The following DAB1 variants were observed in gnomAD, a reference collection of about 807,000 sequenced individuals.
DAB1 encodes DAB adaptor protein 1.
A neutral mutation model predicts 64.6 loss-of-function variants in DAB1; 15 were observed. The observed-to-expected ratio is 0.23, with a 90% CI of 0.16 to 0.36. DAB1 has a LOEUF of 0.36. Ranked by LOEUF, DAB1 falls within the 10% of genes least tolerant of loss-of-function variation. The pLI is 1.00. For missense variants in DAB1, 596 were observed against 706.7 expected, an observed-to-expected ratio of 0.84 and a Z score of 1.78; for synonymous variants, 235 against 251.9, an observed-to-expected ratio of 0.93 and a Z score of 0.64.
intron 5 of DAB1, among the ~76,000 whole-genome samples, chr1:58,020,901 G>A (rs1024596145): frequency 2.0e-5 from 3 of 152,148 alleles, no homozygotes; most frequent in African/African-American, 7.2e-5. Flanking sequence ...TACTTGCGAG[G>A]CTGAGGCAGG....
At chr1:57,913,846 G>A (rs1208227119) in intron 5 of DAB1, among the ~76,000 whole-genome samples, 1 of 151,328 alleles carries the variant, frequency 6.6e-6, no homozygotes, top group Non-Finnish European at 1.5e-5. Flanking sequence ...ATGAAAAAAT[G>A]CTCATCATCA....
chr1:57,043,912 A>G (rs562328107), intron 9 of DAB1, among the ~76,000 whole-genome samples: 1 of 151,320 alleles, frequency 6.6e-6, no homozygotes, highest in South Asian at 2.1e-4. Flanking sequence ...CCTCCTCACC[A>G]CTGCCTACAA....
chr1:58,242,302 T>C (rs1347985866), intron 4 of DAB1, among the ~76,000 whole-genome samples: 1 of 152,054 alleles, frequency 6.6e-6, no homozygotes, highest in Non-Finnish European at 1.5e-5. Context: ...AATGTATGTA[T>C]TTGCAAATGA....
intron 7 of DAB1, among the ~76,000 whole-genome samples, chr1:57,589,422 T>TA: frequency 6.6e-6 from 1 of 152,230 alleles, no homozygotes; most frequent in Non-Finnish European, 1.5e-5. Flanking sequence ...ATATATTTGA[T>TA]ATATAAAGAG....
chr1:57,299,517 C>T (rs1673459413), intron 1 of DAB1, among the ~76,000 whole-genome samples: 1 of 152,200 alleles, frequency 6.6e-6, no homozygotes, highest in Admixed American at 6.5e-5. Context: ...ATGGCATACT[C>T]AGCAACATTT....
intron 6 of DAB1, among the ~76,000 whole-genome samples, chr1:57,720,759 T>G (rs1570767024): frequency 6.6e-6 from 1 of 152,352 alleles, no homozygotes; most frequent in Admixed American, 6.5e-5. Flanking sequence ...TCCCGTAGTC[T>G]TATTTCTTTC....
In DAB1 at chr1:57,015,285, G is replaced by T; in HGVS notation, c.1042C>A (p.Pro348Thr). Residue 348 changes from proline to threonine, a missense_variant, in exon 12 of 15, where the codon CCT becomes ACT. Pro to Thr is a conservative substitution (Grantham distance 38, BLOSUM62 -1). Around this residue, in one of 3 missense-constraint regions of DAB1, gnomAD observed 377 missense variants for 400.4 expected, o/e 0.94. Coordinates refer to ENST00000371236, the MANE Select transcript of DAB1 (RefSeq NM_001365792.1). Reference sequence around the variant, plus strand: ...GTTGGCCAGGGCTGCTGAGTGGCAGGAAAGAGACCCGGCTGGCCCCATGCG... The same window carrying T: ...GTTGGCCAGGGCTGCTGAGTGGCAGTAAAGAGACCCGGCTGGCCCCATGCG... ...PIAWGQPGLF[P>T]ATQQPWPTVA... The T allele has an allele frequency of 6.2e-7, 1 of 1,614,154 alleles. No homozygotes were observed. The highest frequency in any genetic ancestry group is 2.2e-5 in the East Asian group (1 of 44,866).
rs1645140107 is a variant in DAB1, at chr1:57,567,668, C to T, written n.625+81924G>A. On this transcript the variant is annotated intron_variant and non_coding_transcript_variant, in intron 7 of 20. Coordinates refer to the DAB1 transcript ENST00000485760. ...AGAGAGCCAAATCATGAGTGAACTC[C>T]CATTCACAATTGCTTAAAGAGAATA... Among the ~76,000 whole-genome samples the T allele has an allele frequency of 3.3e-5, 5 of 152,098 alleles. No homozygotes were observed. In the South Asian group the frequency reaches 1.0e-3, roughly 32 times the overall value.
At chr1:58,488,912 T>C (rs2100367793) in intron 3 of DAB1, among the ~76,000 whole-genome samples, 1 of 152,376 alleles carries the variant, frequency 6.6e-6, no homozygotes, top group South Asian at 2.1e-4. Flanking sequence ...TGTCCAAGTT[T>C]TATGATCAAT....
At chr1:57,397,328 C>T (rs749372347) in intron 1 of DAB1, among the ~76,000 whole-genome samples, 4 of 152,168 alleles carry the variant, frequency 2.6e-5, no homozygotes, top group Admixed American at 6.5e-5. Context: ...CTCCACACTT[C>T]CCCTATACAC....
intron 5 of DAB1, among the ~76,000 whole-genome samples, chr1:57,948,083 T>G (rs1645210468): frequency 6.6e-6 from 1 of 152,228 alleles, no homozygotes; most frequent in South Asian, 2.1e-4. Context: ...GCCTCTCACC[T>G]GCTTCACTAA....
chr1:57,890,129 C>G (rs1644288856), intron 5 of DAB1, among the ~76,000 whole-genome samples: 2 of 152,176 alleles, frequency 1.3e-5, no homozygotes, highest in South Asian at 2.1e-4. Flanking sequence ...CCTGAGAACT[C>G]TGGAGAATCT....
intron 6 of DAB1, among the ~76,000 whole-genome samples, chr1:57,681,222 C>A (rs1271770501): frequency 6.6e-6 from 1 of 152,174 alleles, no homozygotes; most frequent in Non-Finnish European, 1.5e-5. Flanking sequence ...CAATCTCTGC[C>A]TTCATCGTCA....
At chr1:58,280,375 T>C (rs192338660) in intron 4 of DAB1, among the ~76,000 whole-genome samples, 37 of 152,320 alleles carry the variant, frequency 2.4e-4, no homozygotes, top group African/African-American at 8.7e-4. Context: ...AGAATGCACT[T>C]TGGCAATAAA....
chr1:57,597,008 C>T (rs1645518660), intron 7 of DAB1, among the ~76,000 whole-genome samples: 2 of 152,298 alleles, frequency 1.3e-5, no homozygotes, highest in Admixed American at 1.3e-4. Context: ...AAATGACTTC[C>T]TGCATAAATT....
intron 3 of DAB1, among the ~76,000 whole-genome samples, chr1:58,495,889 G>A (rs991906698): frequency 6.6e-6 from 1 of 152,076 alleles, no homozygotes; most frequent in African/African-American, 2.4e-5. Context: ...TCTTACTCTT[G>A]TATGCCTTTT....
intron 14 of DAB1, among the ~76,000 whole-genome samples, chr1:56,998,609 T>C (rs1159006286): frequency 1.3e-5 from 2 of 152,230 alleles, no homozygotes; most frequent in East Asian, 3.8e-4. Flanking sequence ...CAACACAGTT[T>C]CATAAATGTC....
intron 3 of DAB1, among the ~76,000 whole-genome samples, chr1:58,437,308 A>T (rs1644955991): frequency 6.6e-6 from 1 of 152,156 alleles, no homozygotes; most frequent in African/African-American, 2.4e-5. Flanking sequence ...CATACAATCT[A>T]AAGACTACAT....
intron 8 of DAB1, 124 bp from the exon 9 acceptor site, chr1:57,063,067 C>A: frequency 1.3e-6 from 1 of 742,082 alleles, no homozygotes; most frequent in South Asian, 1.7e-5. Flanking sequence ...GGGACAAGCC[C>A]ATGGGAACCT....
Sources: gnomAD v4.1 joint callset for allele counts (sites outside exome capture counted in the v4.1 genomes callset) on GRCh38, gnomAD v4.1.1 for gene constraint, gnomAD v4.1.1 regional missense constraint, MANE v1.5 for transcripts, NCBI Gene and HGNC (gene_info 2026-07-23, HGNC 2026-07-21) for gene names.